The following AFF2 variants were observed in gnomAD, a reference collection of about 807,000 sequenced individuals.
The protein encoded by AFF2 is ALF transcription elongation factor 2, also known as AF4/FMR2 family member 2.
In AFF2, 14 loss-of-function variants were observed where a neutral mutation model predicts 76.9. The ratio of observed to expected loss-of-function variants is 0.18; its 90% CI spans 0.12 to 0.28. AFF2 has a LOEUF of 0.28. Among genes scored for constraint, AFF2 ranks in the 10% least tolerant of loss-of-function variants. The pLI, the probability that AFF2 is intolerant of heterozygous loss-of-function variation, is 1.00. For synonymous variants in AFF2, 398 were observed against 366.7 expected, an observed-to-expected ratio of 1.09 and a Z score of -0.98; for missense variants, 868 against 1,001.1, an observed-to-expected ratio of 0.87 and a Z score of 1.79.
At chrX:148,935,057 A>ATT (rs200043659) in intron 9 of AFF2, among the ~76,000 whole-genome samples, 100 of 104,249 alleles carry the variant, frequency 9.6e-4, no homozygotes, top group South Asian at 1.8e-3. Flanking sequence ...GAAAAGCCTA[A>ATT]TTTTTTTTTT....
rs1183176717 is a variant in AFF2, at chrX:148,928,085, A to C, written c.1397+23827A>C. 4.5e-5 allele frequency among the ~76,000 whole-genome samples: 5 copies of C among 111,736 alleles called. No individual in the cohort carries two copies. In the East Asian group the frequency reaches 1.4e-3, roughly 31 times the overall value. ...AACCTATCATCAGGTTTAGCAAATCAATACCATAAGAGTGTGAAATGTTCC... is the reference window on the plus strand; with the variant it reads ...AACCTATCATCAGGTTTAGCAAATCCATACCATAAGAGTGTGAAATGTTCC... On this transcript the variant is annotated intron_variant, in intron 9 of 20. Coordinates refer to ENST00000370460, the MANE Select transcript of AFF2 (RefSeq NM_002025.4).
intron 3 of AFF2, among the ~76,000 whole-genome samples, chrX:148,802,514 C>T (rs1480610035): frequency 1.8e-5 from 2 of 112,188 alleles, no homozygotes; most frequent in African/African-American, 6.5e-5. Context: ...TAATCTTATA[C>T]ATATCCCTCA....
chrX:148,712,414 C>A (rs2054977976), intron 3 of AFF2, among the ~76,000 whole-genome samples: 1 of 111,085 alleles, frequency 9.0e-6, no homozygotes. Flanking sequence ...GTATTCACTC[C>A]CCTCAAGACA....
chrX:148,502,227 T>A (rs782037004), intron 1 of AFF2, among the ~76,000 whole-genome samples: 7 of 112,277 alleles, frequency 6.2e-5, no homozygotes, highest in Non-Finnish European at 1.3e-4. Flanking sequence ...AAAATGTATT[T>A]AGAATGATCT....
At chrX:148,935,967 T>C (rs2071771050) in intron 9 of AFF2, among the ~76,000 whole-genome samples, 1 of 109,943 alleles carries the variant, frequency 9.1e-6, no homozygotes, top group African/African-American at 3.3e-5. Flanking sequence ...GCACCTCGCA[T>C]TCACTTTAAT....
rs897595771 is a variant in AFF2, at chrX:148,987,691, C to G, written c.3814+134C>G. Reference sequence around the variant, plus strand: ...TTTCCAGAACTTAGATAAGGGAAGACAGAGTTCGCTCAGGGCTGACACAGT... The same window carrying G: ...TTTCCAGAACTTAGATAAGGGAAGAGAGAGTTCGCTCAGGGCTGACACAGT... On this transcript the variant is annotated intron_variant, in intron 20 of 20. Transcript: ENST00000370460. 2.6e-5 allele frequency: 15 copies of G among 566,736 alleles called. No homozygotes were observed. The Admixed American group carries it at 3.9e-4, about 15-fold the overall frequency. The allele number at this position is 566,736 out of a possible 1,213,427, so 46.7% of individuals were successfully genotyped here. A position where few individuals can be genotyped will look rare whatever the true frequency, so the allele number is the denominator to read the frequency against.
intron 1 of AFF2, among the ~76,000 whole-genome samples, chrX:148,581,074 C>CATATAT (rs1460904173): frequency 9.8e-6 from 1 of 101,615 alleles, no homozygotes; most frequent in African/African-American, 3.6e-5. Context: ...TATATATACA[C>CATATAT]ACATATATAC....
chrX:148,593,320 TA>T (rs1234040975), intron 1 of AFF2, among the ~76,000 whole-genome samples: 2 of 112,055 alleles, frequency 1.8e-5, no homozygotes, highest in Non-Finnish European at 3.8e-5. Context: ...GGAGATAAAA[TA>T]CAATTCAAGG....
intron 3 of AFF2, among the ~76,000 whole-genome samples, chrX:148,734,757 G>A (rs982112870): frequency 8.9e-6 from 1 of 111,868 alleles, no homozygotes; most frequent in Non-Finnish European, 1.9e-5. Flanking sequence ...TCTACTAAAT[G>A]GTTCTTTATA....
At chrX:148,625,661 A>C (rs2053918493) in intron 1 of AFF2, among the ~76,000 whole-genome samples, 1 of 111,946 alleles carries the variant, frequency 8.9e-6, no homozygotes, top group African/African-American at 3.2e-5. Flanking sequence ...TTACTTTAAA[A>C]AAGTCACACT....
intron 2 of AFF2, among the ~76,000 whole-genome samples, chrX:148,659,268 G>A (rs2054282280): frequency 8.9e-6 from 1 of 112,344 alleles, no homozygotes; most frequent in African/African-American, 3.2e-5. Context: ...ACATTACAAA[G>A]TAGGCAAGGT....
At chrX:148,773,173 C>T (rs1208037995) in intron 3 of AFF2, among the ~76,000 whole-genome samples, 3 of 111,590 alleles carry the variant, frequency 2.7e-5, no homozygotes, top group African/African-American at 9.8e-5. Flanking sequence ...GAAGACCATA[C>T]ACCAAGATGT....
chrX:148,506,588 A>G (rs2052421176), intron 1 of AFF2, among the ~76,000 whole-genome samples: 1 of 110,549 alleles, frequency 9.0e-6, no homozygotes, highest in Admixed American at 9.6e-5. Flanking sequence ...AATTATATAT[A>G]TATATATAAA....
chrX:148,649,852 C>T (rs1418062680), intron 1 of AFF2, among the ~76,000 whole-genome samples: 2 of 111,694 alleles, frequency 1.8e-5, no homozygotes, highest in Non-Finnish European at 3.8e-5. Flanking sequence ...CACTTCAGTT[C>T]TCTTCATGGG....
rs147840081 is a variant in AFF2, at chrX:148,642,154, C to T, written c.48-9845C>T. 5.4e-3 allele frequency among the ~76,000 whole-genome samples: 603 copies of T among 111,993 alleles called. 5 individuals are homozygous for T. The highest frequency in any genetic ancestry group is 0.019 in the African/African-American group (575 of 30,747). The stretch of plus-strand genomic sequence containing the variant: ...TTTGCTGCTGCCCTACTTTCATACT[C>T]AGGCCGGGGCTCTGCAGGAGTGCAT... On this transcript the variant is annotated intron_variant, in intron 1 of 20. Transcript: ENST00000370460.
At chrX:148,839,432 C>A (rs1175205868) in intron 5 of AFF2, among the ~76,000 whole-genome samples, 5 of 111,900 alleles carry the variant, frequency 4.5e-5, no homozygotes, top group African/African-American at 1.3e-4. Context: ...AATTTAATCC[C>A]CACTACAACC....
At chrX:148,876,782 G>T (rs1390347096) in intron 7 of AFF2, among the ~76,000 whole-genome samples, 1 of 111,370 alleles carries the variant, frequency 9.0e-6, no homozygotes. Context: ...CATAAGCAGA[G>T]GCTTGAACCA....
At chrX:148,987,650 C>A in intron 20 of AFF2, 93 bp downstream of exon 20, 1 of 768,574 alleles carries the variant, frequency 1.3e-6, no homozygotes, top group Non-Finnish European at 1.9e-6. Context: ...GGCCTTATAT[C>A]TTTCTGTCTC....
chrX:148,748,771 C>T (rs2055458525), intron 3 of AFF2, among the ~76,000 whole-genome samples: 2 of 111,606 alleles, frequency 1.8e-5, no homozygotes, highest in Middle Eastern at 4.6e-3. Flanking sequence ...AGTGCTTAAC[C>T]TTTTGCAGGC....
Sources: gnomAD v4.1 joint callset for allele counts (sites outside exome capture counted in the v4.1 genomes callset) on GRCh38, gnomAD v4.1.1 for gene constraint, MANE v1.5 for transcripts, NCBI Gene and HGNC (gene_info 2026-07-23, HGNC 2026-07-21) for gene names.